The following C3 variants were observed in gnomAD, a reference collection of about 807,000 sequenced individuals.
C3 encodes complement C3, also known as C3 and PZP-like alpha-2-macroglobulin domain-containing protein 1.
In C3, 97 loss-of-function variants were observed where a neutral mutation model predicts 207.9. That is an observed-to-expected ratio of 0.47 (90% confidence interval 0.40 to 0.55). The LOEUF is 0.55. C3 is among the 20% of genes least tolerant of loss of function. The probability of loss-of-function intolerance (pLI) is 0.00; values close to 1 mark genes in which losing one functional copy is unlikely to be tolerated. For missense variants in C3, 1,684 were observed against 2,171.7 expected (o/e 0.78, Z 4.46); for synonymous variants, 848 against 857.6 (o/e 0.99, Z 0.20).
At chr19:6,707,762 C>A (rs1190270788) in intron 15 of C3, 38 bp downstream of exon 15, 1 of 1,610,870 alleles carries the variant, frequency 6.2e-7, no homozygotes, top group Non-Finnish European at 8.5e-7. Context: ...GGTGGAGGTG[C>A]TGTCTGTCCC....
At chr19:6,690,517 T>C (rs1240047219) in intron 27 of C3, 112 bp downstream of exon 27, 11 of 815,072 alleles carry the variant, frequency 1.3e-5, no homozygotes, top group Non-Finnish European at 1.3e-5. Context: ...GTGATGTCTG[T>C]TATTGCACTG....
chr19:6,714,271 G>C (rs755576267), intron 5 of C3, 23 bp from the exon 6 acceptor site: 18 of 1,612,820 alleles, frequency 1.1e-5, no homozygotes, highest in African/African-American at 2.7e-5. Context: ...CGGATGAGTG[G>C]TCTCTCAGGC....
intron 14 of C3, 63 bp downstream of exon 14, chr19:6,709,621 C>CAA: frequency 1.2e-5 from 15 of 1,202,016 alleles, no homozygotes; most frequent in Non-Finnish European, 1.4e-5. Flanking sequence ...TCCCACCCAC[C>CAA]TCCCCCAGCC....
chr19:6,689,029 C>G (rs1736245779), intron 27 of C3, among the ~76,000 whole-genome samples: 1 of 152,176 alleles, frequency 6.6e-6, no homozygotes, highest in African/African-American at 2.4e-5. Context: ...GAATGAAGAT[C>G]ACGGGAGAGA....
At chr19:6,700,571 TATATTATATATGTAATATATAATATATG>T (rs1967641904) in intron 19 of C3, among the ~76,000 whole-genome samples, 1 of 50,628 alleles carries the variant, frequency 2.0e-5, no homozygotes, top group African/African-American at 1.1e-4. Flanking sequence ...TAATATATGA[TATATTATATATGTAATATATAATATATG>T]ATATATTATA....
At chr19:6,686,942 T>C in intron 27 of C3, 40 bp from the exon 28 acceptor site, 4 of 1,606,896 alleles carry the variant, frequency 2.5e-6, no homozygotes, top group Non-Finnish European at 3.4e-6. Context: ...CATGTGGGCA[T>C]TGCTGTCACG....
chr19:6,692,923 C>T lies in C3; in HGVS notation c.3390+1G>A. 1 of 1,613,908 alleles carries T rather than the reference C, an allele frequency of 6.2e-7. No individual in the cohort carries two copies. The highest frequency in any genetic ancestry group is 8.5e-7 in the Non-Finnish European group (1 of 1,179,992). ...TTTTGCCCTAAATCCCAGCCTCTTA[C>T]AATCATTTCTTGGTGTATCACGGGC... On this transcript the variant is annotated splice_donor_variant, in intron 26 of 40. Transcript: ENST00000245907. LOFTEE classifies it high-confidence loss of function.
At chr19:6,679,054 CACCT>C in intron 38 of C3, 67 bp downstream of exon 38, 1 of 1,220,600 alleles carries the variant, frequency 8.2e-7, no homozygotes, top group South Asian at 1.2e-5. Context: ...ATGACAACCA[CACCT>C]ACCACCCACC....
chr19:6,680,966 A>G lies in C3; in HGVS notation c.4351-703T>C, dbSNP rs1398957133. On this transcript the variant is annotated intron_variant, in intron 35 of 40. Coordinates refer to ENST00000245907, the MANE Select transcript of C3 (RefSeq NM_000064.4). ...GGAATCCCAGCCCTTTGGGAGGCTG[A>G]GGCAGGAAGATCGCTTGAGGCCAGT... Among the ~76,000 whole-genome samples the G allele has an allele frequency of 2.0e-5, 3 of 152,144 alleles. No individual in the cohort carries two copies. In the East Asian group the frequency reaches 5.8e-4, roughly 29 times the overall value.
intron 11 of C3, among the ~76,000 whole-genome samples, chr19:6,711,699 T>G (rs988147745): frequency 3.3e-5 from 5 of 152,174 alleles, no homozygotes; most frequent in Admixed American, 1.3e-4. Context: ...GCCTGGGAGC[T>G]GCAGAGGGAC....
At chr19:6,706,473 G>A (rs1171491737) in intron 17 of C3, among the ~76,000 whole-genome samples, 3 of 152,008 alleles carry the variant, frequency 2.0e-5, no homozygotes, top group African/African-American at 7.3e-5. Flanking sequence ...ATCTCAGATG[G>A]GCATCTACGC....
Position 6,710,802 on chromosome 19 carries a change from C to T in C3, c.1523G>A (p.Arg508Gln), listed in dbSNP as rs1220371107. Reference protein sequence around the residue: ...GRLLKAGRQVREPGQDLVVLP... With the variant: ...GRLLKAGRQVQEPGQDLVVLP... ...CACCACCAGGTCCTGGCCGGGCTCT[C>T]GCACCTGGCGTCCCGCCTTCAACAG... is the stretch of plus-strand genomic sequence containing the variant. The change falls in exon 13 of 41, where the codon CGA becomes CAA. Residue 508 changes from arginine (R) to glutamine (Q), a missense_variant. Physicochemically the swap from Arg to Gln is conservative, Grantham distance 43 (BLOSUM62 1). Transcript: ENST00000245907. 5 of 1,613,838 alleles carry T rather than the reference C, an allele frequency of 3.1e-6. No individual in the cohort carries two copies. Among genetic ancestry groups the T allele is most frequent in the South Asian group, 2.2e-5 (2 of 91,092 alleles).
At chr19:6,698,121 A>C (rs539099361) in intron 19 of C3, among the ~76,000 whole-genome samples, 1 of 151,910 alleles carries the variant, frequency 6.6e-6, no homozygotes, top group Admixed American at 6.6e-5. Flanking sequence ...GGTTCAAGCA[A>C]TTCTCCTGCC....
intron 9 of C3, among the ~76,000 whole-genome samples, chr19:6,712,835 T>C (rs1333726826): frequency 1.3e-5 from 2 of 151,778 alleles, no homozygotes; most frequent in African/African-American, 2.4e-5. Flanking sequence ...ACTGGGCCTG[T>C]GACCCCCATC....
At chr19:6,683,353 A>G (rs1823599907) in intron 33 of C3, 1 of 151,572 alleles carries the variant, frequency 6.6e-6, no homozygotes, top group South Asian at 2.1e-4. Context: ...TACACCTTGC[A>G]TCTCAATGTT....
chr19:6,687,745 C>T (rs1918045877), intron 27 of C3, among the ~76,000 whole-genome samples: 1 of 152,020 alleles, frequency 6.6e-6, no homozygotes, highest in Admixed American at 6.6e-5. Context: ...GGGAGTAAGG[C>T]GTTTAGGAAG....
Position 6,686,267 on chromosome 19 carries a change from G to A in C3, c.3667C>T (p.Pro1223Ser), listed in dbSNP as rs771497419. 8.1e-6 allele frequency: 13 copies of A among 1,614,076 alleles called. No individual in the cohort carries two copies. Among genetic ancestry groups the A allele is most frequent in the Middle Eastern group, 1.7e-4 (1 of 5,992 alleles). ...TCCACGTTGTAGAGCTGCTTACCAG[G>A]GTCCTCCCAGCGGTTCTTATCTGCA... Reference protein sequence around the residue: ...TAKDKNRWEDPGKQLYNVEAT... With the variant: ...TAKDKNRWEDSGKQLYNVEAT... The change falls in exon 29 of 41, where the codon CCT becomes TCT. Residue 1223 changes from proline to serine, a missense_variant. By Grantham distance (74) the Pro-to-Ser change is moderately conservative. This residue lies in a region of C3 where 1,280 missense variants were observed against 1,739.1 expected (regional missense o/e 0.74). Transcript: ENST00000245907.
At position 6,678,802 on chromosome 19, in the gene C3, C is replaced by T. The variant is rs542382462; in HGVS notation, c.4630+323G>A. ...AGCCACGGAAAACTACAGTCATATA[C>T]GTAACTTCAGGACCTCACACTCACT... On this transcript the variant is annotated intron_variant, in intron 38 of 40. Coordinates refer to ENST00000245907, the MANE Select transcript of C3 (RefSeq NM_000064.4). 7.2e-5 allele frequency among the ~76,000 whole-genome samples: 11 copies of T among 152,234 alleles called. No individual in the cohort carries two copies. The South Asian group carries it at 2.1e-3, about 29-fold the overall frequency.
chr19:6,679,379 C>T lies in C3; in HGVS notation c.4546+28G>A, dbSNP rs1917800434. The T allele has an allele frequency of 4.4e-6, 7 of 1,581,404 alleles. No homozygotes were observed. The South Asian group carries it at 7.7e-5, about 17-fold the overall frequency. On this transcript the variant is annotated intron_variant, in intron 37 of 40. Transcript: ENST00000245907. ...TGGGTAAGTGTGGCTTGCTCAGACC[C>T]ACCTGTTCCCGGCTCCAGGGAACTC...
Sources: allele counts gnomAD v4.1 joint callset (sites outside exome capture counted in the v4.1 genomes callset), GRCh38; gene constraint gnomAD v4.1.1; regional missense constraint gnomAD v4.1.1; transcripts MANE v1.5; gene names NCBI Gene and HGNC (gene_info 2026-07-23, HGNC 2026-07-21).